Variants in CNKSR3 observed in about 807,000 individuals in gnomAD.
CNKSR3 encodes the protein CNKSR family member 3.
In CNKSR3, 36 loss-of-function variants were observed where a neutral mutation model predicts 67.7. The observed-to-expected ratio is 0.53, with a 90% CI of 0.41 to 0.70. The LOEUF is 0.70. CNKSR3 is among the 30% of genes least tolerant of loss of function. CNKSR3 has a pLI of 0.00. For synonymous variants in CNKSR3, 281 were observed against 271.4 expected, an observed-to-expected ratio of 1.04 and a Z score of -0.35; for missense variants, 630 against 695.2, an observed-to-expected ratio of 0.91 and a Z score of 1.05.
intron 1 of CNKSR3, among the ~76,000 whole-genome samples, chr6:154,490,329 T>C (rs1165352470): frequency 6.6e-6 from 1 of 152,164 alleles, no homozygotes; most frequent in East Asian, 1.9e-4. Context: ...AGTGCCTGCC[T>C]GATAGAATTC....
intron 1 of CNKSR3, among the ~76,000 whole-genome samples, chr6:154,452,261 G>A (rs917469719): frequency 2.6e-5 from 4 of 152,156 alleles, no homozygotes; most frequent in Admixed American, 6.5e-5. Context: ...ACACAGCCTC[G>A]CTCTTCTGCA....
At chr6:154,500,704 A>T (rs1419034252) in intron 1 of CNKSR3, among the ~76,000 whole-genome samples, 1 of 152,238 alleles carries the variant, frequency 6.6e-6, no homozygotes, top group Non-Finnish European at 1.5e-5. Context: ...ATAGTCTTTC[A>T]GTAGGGCAAA....
chr6:154,509,998 C>T, intron 1 of CNKSR3, 65 bp downstream of exon 1: 1 of 1,577,218 alleles, frequency 6.3e-7, no homozygotes, highest in Non-Finnish European at 8.7e-7. Context: ...TACCCTCTTC[C>T]CCAGCTCCTC....
rs1265290949 is a variant in CNKSR3, at chr6:154,410,451, G to C, written c.1280-19C>G. 2 of 1,585,702 alleles carry C rather than the reference G, an allele frequency of 1.3e-6. No homozygotes were observed. Among genetic ancestry groups the C allele is most frequent in the East Asian group, 4.5e-5 (2 of 44,732 alleles). On this transcript the variant is annotated intron_variant, in intron 11 of 12. Coordinates refer to ENST00000607772, the MANE Select transcript of CNKSR3 (RefSeq NM_173515.4). The stretch of plus-strand genomic sequence containing the variant: ...GGCTTGCCTTCAGAGGGACGAGAAA[G>C]AAGGTGACAAGTTTGATGAGTTCTG...
At chr6:154,470,187 C>A (rs6911144) in intron 1 of CNKSR3, among the ~76,000 whole-genome samples, 8 of 80,878 alleles carry the variant, frequency 9.9e-5, no homozygotes, top group Non-Finnish European at 1.2e-4. Context: ...TACTTTCTTT[C>A]CTTTTTTTTT....
chr6:154,415,972 G>T (rs902043694), intron 9 of CNKSR3, among the ~76,000 whole-genome samples: 1 of 152,090 alleles, frequency 6.6e-6, no homozygotes, highest in African/African-American at 2.4e-5. Context: ...CCAAGCCCTG[G>T]GCAGACATAA....
chr6:154,405,651 A>G lies in CNKSR3; in HGVS notation c.*703T>C, dbSNP rs958519001. ...AATCTTATAGCTTCTTTTCCCTTAA[A>G]GACAATAATATATAACAACACCACC... On this transcript the variant is annotated 3_prime_UTR_variant, in exon 13 of 13. Transcript: ENST00000607772. The G allele has an allele frequency of 1.3e-5, 2 of 152,244 alleles. No homozygotes were observed. Among genetic ancestry groups the G allele is most frequent in the Non-Finnish European group, 2.9e-5 (2 of 68,040 alleles). 9.4% of individuals were successfully genotyped at this position (152,244 alleles called of 1,614,324 possible).
At chr6:154,428,994 C>A (rs1449964648) in intron 6 of CNKSR3, among the ~76,000 whole-genome samples, 1 of 152,170 alleles carries the variant, frequency 6.6e-6, no homozygotes, top group Non-Finnish European at 1.5e-5. Flanking sequence ...GTAACAGACA[C>A]CCCTCCTTTT....
rs570655697 is a variant in CNKSR3, at chr6:154,424,180, G to A, written c.730-1197C>T. 8.1e-5 allele frequency among the ~76,000 whole-genome samples: 12 copies of A among 148,470 alleles called. No homozygotes were observed. In the South Asian group the frequency reaches 8.5e-4, roughly 10 times the overall value. ...CCAGGAGCGGAGCTTGCAGTGAGCC[G>A]AGATCGCGCCACTGCACTCCAGCCT... On this transcript the variant is annotated intron_variant, in intron 7 of 12. Coordinates refer to ENST00000607772, the MANE Select transcript of CNKSR3 (RefSeq NM_173515.4).
chr6:154,431,440 C>CAAAAAA, intron 5 of CNKSR3, among the ~76,000 whole-genome samples: 1 of 93,544 alleles, frequency 1.1e-5, no homozygotes, highest in Admixed American at 1.2e-4. Flanking sequence ...GAGACTCTGT[C>CAAAAAA]AAAAAAAAAA....
At chr6:154,437,212 C>T (rs1435315432) in intron 4 of CNKSR3, among the ~76,000 whole-genome samples, 1 of 152,004 alleles carries the variant, frequency 6.6e-6, no homozygotes, top group Non-Finnish European at 1.5e-5. Flanking sequence ...AGATGTCTTC[C>T]CAAAGAGTCA....
Position 154,466,083 on chromosome 6 carries a change from A to G in CNKSR3, c.53-15825T>C, listed in dbSNP as rs533450030. 9.3e-4 allele frequency among the ~76,000 whole-genome samples: 141 copies of G among 152,328 alleles called. 2 individuals carry two copies. The highest frequency in any genetic ancestry group is 6.8e-3 in the Middle Eastern group (2 of 294). On this transcript the variant is annotated intron_variant, in intron 1 of 12. Coordinates refer to ENST00000607772, the MANE Select transcript of CNKSR3 (RefSeq NM_173515.4). ...TATGTTCCAAATTTATTTTGAAAAA[A>G]CTTTAGAAAATGGCAAGTTATCCCT...
chr6:154,451,742 G>A (rs1018710131), intron 1 of CNKSR3, among the ~76,000 whole-genome samples: 3 of 152,196 alleles, frequency 2.0e-5, no homozygotes, highest in Non-Finnish European at 2.9e-5. Flanking sequence ...AGGAAGAAGA[G>A]TAGTTTTCTG....
chr6:154,411,086 G>C lies in CNKSR3; in HGVS notation c.1127C>G (p.Pro376Arg). Reference protein sequence around the residue: ...GGSSKCKQPLPGPKGSESPNS... With the variant: ...GGSSKCKQPLRGPKGSESPNS... ...CGGGGACTCTGAACCCTTAGGACCAGGCAATGGTTGTTTGCACTTACTGGA... is the reference window on the plus strand; with the variant it reads ...CGGGGACTCTGAACCCTTAGGACCACGCAATGGTTGTTTGCACTTACTGGA... The change falls in exon 11 of 13, where the codon CCT (proline) becomes CGT (arginine). Residue 376 changes from proline (P) to arginine (R), a missense_variant. Physicochemically the swap from Pro to Arg is moderately radical, Grantham distance 103. This residue lies in a region of CNKSR3 where 308 missense variants were observed against 299.6 expected (regional missense o/e 1.03). Coordinates refer to ENST00000607772, the MANE Select transcript of CNKSR3 (RefSeq NM_173515.4). The C allele has an allele frequency of 6.2e-7, 1 of 1,614,066 alleles. No individual in the cohort carries two copies. The highest frequency in any genetic ancestry group is 8.5e-7 in the Non-Finnish European group (1 of 1,179,972).
chr6:154,448,882 A>T (rs182064751), intron 2 of CNKSR3, among the ~76,000 whole-genome samples: 1 of 152,332 alleles, frequency 6.6e-6, no homozygotes, highest in East Asian at 1.9e-4. Flanking sequence ...ATTCTCAGTG[A>T]TGTAATTGTA....
chr6:154,428,033 A>G, intron 7 of CNKSR3, 95 bp downstream of exon 7: 1 of 797,174 alleles, frequency 1.3e-6, no homozygotes, highest in Non-Finnish European at 2.2e-6. Context: ...CAATAATCAA[A>G]CAGCATGCAC....
chr6:154,510,111 C>T lies in CNKSR3; in HGVS notation c.4G>A (p.Glu2Lys). M[E>K]PVTKWSPKQV... ...TTGGGGCTCCACTTGGTCACGGGTT[C>T]CATGGTAAACCGCTTCGCCTCTCGC... is the stretch of plus-strand genomic sequence containing the variant. The change falls in exon 1 of 13, where the codon GAA (glutamate) becomes AAA (lysine). Residue 2 changes from glutamate (E) to lysine (K), a missense_variant. Transcript: ENST00000607772. 6.2e-7 allele frequency: 1 copy of T among 1,614,130 alleles called. No individual in the cohort carries two copies. The highest frequency in any genetic ancestry group is 8.5e-7 in the Non-Finnish European group (1 of 1,180,002).
intron 1 of CNKSR3, among the ~76,000 whole-genome samples, chr6:154,456,707 CAAAAAAAAAAAAAA>C (rs10536163): frequency 2.8e-3 from 127 of 45,408 alleles, no homozygotes; most frequent in African/African-American, 6.2e-3. Context: ...AACTCTGTCT[CAAAAAAAAAAAAAA>C]AAAAAAAAAA....
intron 2 of CNKSR3, among the ~76,000 whole-genome samples, chr6:154,448,466 G>T (rs938799300): frequency 3.3e-5 from 5 of 150,746 alleles, no homozygotes; most frequent in African/African-American, 1.2e-4. Flanking sequence ...TACAGTTTCG[G>T]TAATAAACAG....
Sources: gnomAD v4.1 joint callset for allele counts (sites outside exome capture counted in the v4.1 genomes callset) on GRCh38, gnomAD v4.1.1 for gene constraint, gnomAD v4.1.1 regional missense constraint, MANE v1.5 for transcripts, NCBI Gene and HGNC (gene_info 2026-07-23, HGNC 2026-07-21) for gene names.